CACNA1H: variants seen among roughly 807,000 people sequenced by gnomAD.
The protein encoded by CACNA1H is calcium voltage-gated channel subunit alpha1 H.
Under a neutral mutation model 192.5 loss-of-function variants are expected in CACNA1H, and 149 were observed. The observed-to-expected ratio is 0.77, with a 90% CI of 0.68 to 0.89. The LOEUF (loss-of-function observed/expected upper bound fraction) is 0.89. CACNA1H is among the 40% of genes least tolerant of loss of function. The pLI, the probability that CACNA1H is intolerant of heterozygous loss-of-function variation, is 0.00. For synonymous variants in CACNA1H, 2,202 were observed against 1,475.2 expected, an observed-to-expected ratio of 1.49 and a Z score of -11.29; for missense variants, 4,257 against 3,423.5, an observed-to-expected ratio of 1.24 and a Z score of -6.08.
chr16:1,201,410 G>A (rs1002226351), intron 8 of CACNA1H, among the ~76,000 whole-genome samples: 32 of 152,148 alleles, frequency 2.1e-4, no homozygotes, highest in African/African-American at 7.2e-4. Context: ...AGGAGGGGCC[G>A]AGCCACATGG....
At chr16:1,169,755 G>C (rs568131249) in intron 2 of CACNA1H, among the ~76,000 whole-genome samples, 50 of 152,366 alleles carry the variant, frequency 3.3e-4, no homozygotes, top group African/African-American at 1.1e-3. Flanking sequence ...TTGTTCCCAG[G>C]AACGTTTGTC....
intron 25 of CACNA1H, 104 bp downstream of exon 25, chr16:1,212,242 C>A: frequency 7.0e-7 from 1 of 1,438,364 alleles, no homozygotes; most frequent in Non-Finnish European, 9.2e-7. Flanking sequence ...AATGGCTCTG[C>A]ACGCCACCCG....
In CACNA1H at chr16:1,209,246, T is replaced by G; in HGVS notation, c.3578T>G (p.Leu1193Arg). 1 of 1,544,500 alleles carries G rather than the reference T, an allele frequency of 6.5e-7. No homozygotes were observed. Residue 1193 changes from leucine (L) to arginine (R), a missense_variant, in exon 17 of 35, where the codon CTG becomes CGG. Leu to Arg is a moderately radical substitution (Grantham distance 102). Coordinates refer to ENST00000348261, the MANE Select transcript of CACNA1H (RefSeq NM_021098.3). ...RAAPGPRATP[L>R]RRAESLDPRP... is the part of the protein sequence containing the mutation. The stretch of plus-strand genomic sequence containing the variant: ...GCGCCCGGGCCCCGTGCCACCCCAC[T>G]GCGGCGGGCCGAGTCCCTGGACCCA...
chr16:1,194,986 T>C lies in CACNA1H; in HGVS notation c.314T>C (p.Val105Ala). The change falls in exon 3 of 35, where the codon GTG becomes GCG. Residue 105 changes from valine to alanine, a missense_variant. Coordinates refer to ENST00000348261, the MANE Select transcript of CACNA1H (RefSeq NM_021098.3). ...CGCGGCGACACATGGTTCGAGCACG[T>C]GAGCATGCTGGTAATCATGCTCAAC... ...RLVCNPWFEH[V>A]SMLVIMLNCV... is the part of the protein sequence containing the mutation. 1.2e-6 allele frequency: 2 copies of C among 1,611,802 alleles called. No homozygotes were observed. The highest frequency in any genetic ancestry group is 1.7e-6 in the Non-Finnish European group (2 of 1,179,158).
intron 2 of CACNA1H, among the ~76,000 whole-genome samples, chr16:1,176,308 G>A (rs752374598): frequency 2.0e-5 from 3 of 152,232 alleles, no homozygotes; most frequent in African/African-American, 7.2e-5. Context: ...GGGGCGAGGC[G>A]CAGCAGCAAT....
Position 1,170,088 on chromosome 16 carries a change from C to T in CACNA1H, c.299+16052C>T, listed in dbSNP as rs547849851. ...CGCTCGCCTCTCCAGGGCGGCCTCC[C>T]GGCTTACAGCGAGCTCCCAGCAGCT... On this transcript the variant is annotated intron_variant, in intron 2 of 34. Transcript: ENST00000348261. Among the ~76,000 whole-genome samples the T allele has an allele frequency of 7.5e-3, 1,145 of 152,324 alleles. 8 individuals carry two copies. The highest frequency in any genetic ancestry group is 0.011 in the Non-Finnish European group (772 of 68,000).
At position 1,175,512 on chromosome 16, in the gene CACNA1H, G is replaced by T. The variant is rs547438495; in HGVS notation, c.300-19460G>T. ...TGCACCCCTGCCCCTCCACCCTGTAGCCTCCAGCTCCTAAGCACCACCCAC... is the reference window on the plus strand; with the variant it reads ...TGCACCCCTGCCCCTCCACCCTGTATCCTCCAGCTCCTAAGCACCACCCAC... On this transcript the variant is annotated intron_variant, in intron 2 of 34. Transcript: ENST00000348261. Among the ~76,000 whole-genome samples the T allele has an allele frequency of 6.6e-5, 10 of 152,186 alleles. No homozygotes were observed. The East Asian group carries it at 1.6e-3, about 24-fold the overall frequency.
At chr16:1,211,354 G>C (rs937528832) in intron 22 of CACNA1H, 60 bp downstream of exon 22, 1 of 1,609,028 alleles carries the variant, frequency 6.2e-7, no homozygotes, top group Admixed American at 1.7e-5. Flanking sequence ...TGCCTTCCCA[G>C]CGTGGCTCCC....
chr16:1,195,014 C>T lies in CACNA1H; in HGVS notation c.342C>T (p.Cys114=), dbSNP rs367659929. ...GCATGCTGGTAATCATGCTCAACTG[C>T]GTGACCCTGGGCATGTTCCGGCCCT... ...HVSMLVIMLN[C]VTLGMFRPCE... is the part of the protein sequence containing the mutation. The change falls in exon 3 of 35, where the codon TGC becomes TGT. Residue 114 remains cysteine (C), a synonymous_variant. Coordinates refer to ENST00000348261, the MANE Select transcript of CACNA1H (RefSeq NM_021098.3). The T allele has an allele frequency of 7.4e-6, 12 of 1,612,086 alleles. No homozygotes were observed. In the African/African-American group the frequency reaches 8.0e-5, roughly 11 times the overall value.
At chr16:1,215,125 G>T (rs770923097) in intron 28 of CACNA1H, 44 bp downstream of exon 28, 1 of 1,587,030 alleles carries the variant, frequency 6.3e-7, no homozygotes, top group African/African-American at 1.3e-5. Flanking sequence ...GCCCCTCAGG[G>T]CTCTGGGGGC....
Position 1,153,901 on chromosome 16 carries a change from C to A in CACNA1H, c.164C>A (p.Ala55Glu). 1 of 1,451,174 alleles carries A rather than the reference C, an allele frequency of 6.9e-7. No individual in the cohort carries two copies. The highest frequency in any genetic ancestry group is 1.3e-5 in the South Asian group (1 of 76,344). The allele number at this position is 1,451,174 out of a possible 1,614,324, so 89.9% of individuals were successfully genotyped here. ...ELGVSPSESP[A>E]AERGAELGAD... ...GGCGTGTCACCCTCCGAGAGCCCGGCGGCCGAGCGCGGCGCGGAGCTGGGT... is the reference window on the plus strand; with the variant it reads ...GGCGTGTCACCCTCCGAGAGCCCGGAGGCCGAGCGCGGCGCGGAGCTGGGT... The change falls in exon 2 of 35, where the codon GCG (alanine) becomes GAG (glutamate). Residue 55 changes from alanine to glutamate, a missense_variant. Physicochemically the swap from Ala to Glu is moderately radical, Grantham distance 107. Transcript: ENST00000348261.
chr16:1,165,905 G>T (rs961890622), intron 2 of CACNA1H, among the ~76,000 whole-genome samples: 1 of 152,158 alleles, frequency 6.6e-6, no homozygotes, highest in Non-Finnish European at 1.5e-5. Flanking sequence ...CTTGGGTGGT[G>T]TGTGGGGCCC....
chr16:1,160,810 C>T (rs1963094591), intron 2 of CACNA1H, among the ~76,000 whole-genome samples: 1 of 152,176 alleles, frequency 6.6e-6, no homozygotes, highest in African/African-American at 2.4e-5. Context: ...CAGAGAGATC[C>T]TTGGGTGGGT....
rs531040080 is a variant in CACNA1H at position 1,210,207 on chromosome 16, G to C, written c.3845+72G>C. 2.4e-5 allele frequency: 33 copies of C among 1,348,792 alleles called. No homozygotes were observed. The South Asian group carries it at 4.1e-4, about 17-fold the overall frequency. 83.6% of individuals were successfully genotyped at this position (1,348,792 alleles called of 1,614,324 possible). ...GGACCCCCGCCCCCAGGTCCCTCCT[G>C]GGTGGGGCTAGCACATGGTGGATAT... On this transcript the variant is annotated intron_variant, in intron 18 of 34. Transcript: ENST00000348261.
rs527339862 is a variant in CACNA1H at position 1,161,760 on chromosome 16, G to A, written c.299+7724G>A. Among the ~76,000 whole-genome samples, 7 of 152,232 alleles carry A rather than the reference G, an allele frequency of 4.6e-5. No individual in the cohort carries two copies. In the East Asian group the frequency reaches 5.8e-4, roughly 13 times the overall value. Reference sequence around the variant, plus strand: ...CCAGTCGGTGGGTGGCCAGTGCGGCGGCTGATGGGGGACAGACCGCTGGCC... The same window carrying A: ...CCAGTCGGTGGGTGGCCAGTGCGGCAGCTGATGGGGGACAGACCGCTGGCC... On this transcript the variant is annotated intron_variant, in intron 2 of 34. Transcript: ENST00000348261.
Position 1,170,500 on chromosome 16 carries a change from A to C in CACNA1H, c.299+16464A>C, listed in dbSNP as rs576550961. On this transcript the variant is annotated intron_variant, in intron 2 of 34. Coordinates refer to ENST00000348261, the MANE Select transcript of CACNA1H (RefSeq NM_021098.3). ...GGAGGAGATGGACCGTGAACAGTGA[A>C]AGACGTACCCCGACACCGGCCTGCG... Among the ~76,000 whole-genome samples the C allele has an allele frequency of 4.5e-4, 68 of 152,290 alleles. 1 individual carries two copies. The highest frequency in any genetic ancestry group is 6.9e-4 in the Non-Finnish European group (47 of 68,012).
chr16:1,208,053 C>T lies in CACNA1H; in HGVS notation c.3195C>T (p.His1065=). Residue 1065 remains histidine (H), a synonymous_variant, in exon 16 of 35, where the codon CAC becomes CAT. Transcript: ENST00000348261. Reference sequence around the variant, plus strand: ...CCCTGGCCGTGACCCCCAACGGGCACCTGGAGGGACGAGGCAGCCTGTCCC... The same window carrying T: ...CCCTGGCCGTGACCCCCAACGGGCATCTGGAGGGACGAGGCAGCCTGTCCC... The part of the protein sequence containing the change: ...MCSLAVTPNG[H]LEGRGSLSPP... 1 of 1,607,364 alleles carries T rather than the reference C, an allele frequency of 6.2e-7. No individual in the cohort carries two copies. Among genetic ancestry groups the T allele is most frequent in the Non-Finnish European group, 8.5e-7 (1 of 1,177,826 alleles).
chr16:1,190,191 A>G (rs542156560), intron 2 of CACNA1H, among the ~76,000 whole-genome samples: 2 of 152,356 alleles, frequency 1.3e-5, no homozygotes, highest in African/African-American at 4.8e-5. Context: ...CCCTGCAGCC[A>G]GCAGGCCCCC....
chr16:1,200,482 T>C lies in CACNA1H; in HGVS notation c.1030T>C (p.Tyr344His). The C allele has an allele frequency of 6.2e-7, 1 of 1,612,218 alleles. No homozygotes were observed. Among genetic ancestry groups the C allele is most frequent in the South Asian group, 1.1e-5 (1 of 91,088 alleles). Residue 344 changes from tyrosine (Y) to histidine (H), a missense_variant, in exon 7 of 35, where the codon TAC becomes CAC. Coordinates refer to ENST00000348261, the MANE Select transcript of CACNA1H (RefSeq NM_021098.3). The part of the protein sequence containing the change: ...RNACINWNQY[Y>H]NVCRSGDSNP... ...CGCCTGCATCAACTGGAACCAGTAC[T>C]ACAACGTGTGCCGCTCGGGTGACTC...
Sources: allele counts gnomAD v4.1 joint callset (sites outside exome capture counted in the v4.1 genomes callset), GRCh38; gene constraint gnomAD v4.1.1; transcripts MANE v1.5; gene names NCBI Gene and HGNC (gene_info 2026-07-23, HGNC 2026-07-21).